The following C4orf36 variants were observed in gnomAD, a reference collection of about 807,000 sequenced individuals.
C4orf36 encodes the protein chromosome 4 open reading frame 36.
Under a neutral mutation model 12.2 loss-of-function variants are expected in C4orf36, and 11 were observed. The observed-to-expected ratio is 0.90, with a 90% CI of 0.57 to 1.49. The LOEUF (loss-of-function observed/expected upper bound fraction) is 1.49, where lower values mean the gene tolerates loss of function less well. Among genes scored for constraint, C4orf36 ranks in the 40% most tolerant of loss-of-function variants. The pLI is 0.00. For synonymous variants in C4orf36, 54 were observed against 51.3 expected, an observed-to-expected ratio of 1.05 and a Z score of -0.22; for missense variants, 137 against 133.9, an observed-to-expected ratio of 1.02 and a Z score of -0.11.
At chr4:86,920,994 C>T in the C4orf36 span, among the ~76,000 whole-genome samples, 3 of 151,636 alleles carry the variant, frequency 2.0e-5, no homozygotes, top group African/African-American at 4.8e-5. Flanking sequence ...GGAGATACCC[C>T]GTCTCTACTA....
At chr4:86,919,315 CTTTTTTTTTTTTTT>C in the C4orf36 span, among the ~76,000 whole-genome samples, 2 of 81,356 alleles carry the variant, frequency 2.5e-5, no homozygotes, top group Admixed American at 3.7e-4. Flanking sequence ...TTTTTTCCCC[CTTTTTTTTTTTTTT>C]TTTTTTTTTT....
chr4:86,892,524 G>T, upstream of C4orf36: 1 of 943,980 alleles, frequency 1.1e-6, no homozygotes, highest in Non-Finnish European at 1.3e-6. Flanking sequence ...GCCCCGCGGG[G>T]TCCGCTCTCT....
chr4:86,884,839 T>G (rs1275755698), intron 4 of C4orf36, among the ~76,000 whole-genome samples: 3 of 152,238 alleles, frequency 2.0e-5, no homozygotes, highest in African/African-American at 7.2e-5. Flanking sequence ...TTTTTAGGTC[T>G]AACATTTAAG....
chr4:86,913,909 A>C, the C4orf36 span: 8 of 1,246,402 alleles, frequency 6.4e-6, no homozygotes, highest in Non-Finnish European at 9.2e-6. Flanking sequence ...GCTCACTACG[A>C]ACTCTCCCGG....
chr4:86,918,153 T>C, the C4orf36 span, among the ~76,000 whole-genome samples: 2 of 152,242 alleles, frequency 1.3e-5, no homozygotes, highest in Non-Finnish European at 2.9e-5. Flanking sequence ...ATGAGGGCTA[T>C]GCCCTCCTGA....
At chr4:86,921,881 C>T in the C4orf36 span, among the ~76,000 whole-genome samples, 1 of 152,196 alleles carries the variant, frequency 6.6e-6, no homozygotes, top group Non-Finnish European at 1.5e-5. Context: ...GTTCTACTTT[C>T]TGTCTGTATG....
chr4:86,877,166 A>C (rs1746945630), intron 4 of C4orf36, among the ~76,000 whole-genome samples: 1 of 152,242 alleles, frequency 6.6e-6, no homozygotes, highest in Non-Finnish European at 1.5e-5. Flanking sequence ...TAATTTTTAA[A>C]GAAAATTGAA....
chr4:86,911,869 G>GGT, the C4orf36 span, among the ~76,000 whole-genome samples: 1 of 151,246 alleles, frequency 6.6e-6, no homozygotes, highest in South Asian at 2.1e-4. Flanking sequence ...AAAAAAAAAT[G>GGT]TTTTTTTGAG....
chr4:86,927,366 T>A, the C4orf36 span, among the ~76,000 whole-genome samples: 1 of 152,100 alleles, frequency 6.6e-6, no homozygotes, highest in African/African-American at 2.4e-5. Context: ...TTTGTTTTTA[T>A]TACAGGTAGA....
At chr4:86,927,041 T>C in the C4orf36 span, among the ~76,000 whole-genome samples, 1 of 152,248 alleles carries the variant, frequency 6.6e-6, no homozygotes, top group South Asian at 2.1e-4. Flanking sequence ...ACAGAGACCA[T>C]GTGGCCCATA....
intron 2 of C4orf36, 152 bp from the exon 3 acceptor site, chr4:86,888,427 GT>G: frequency 1.5e-6 from 1 of 653,618 alleles, no homozygotes. Flanking sequence ...CAGAGTTGTA[GT>G]TCCAGACAGG....
At chr4:86,934,966 G>C in the C4orf36 span, 2 of 151,942 alleles carry the variant, frequency 1.3e-5, no homozygotes, top group Non-Finnish European at 2.9e-5. Context: ...CGCGCGGAGG[G>C]CGTGGCCTCG....
chr4:86,891,482 G>A lies in C4orf36; in HGVS notation c.39C>T (p.Thr13=), dbSNP rs758438158. Residue 13 remains threonine (T), a synonymous_variant, in exon 2 of 5, where the codon ACC becomes ACT. Coordinates refer to ENST00000295898, the MANE Select transcript of C4orf36 (RefSeq NM_144645.4). ...YGVPRKNTVK[T]ILRGSCYNVQ... ...CATTATAACAACTGCCCCGCAAAAT[G>A]GTTTTCACTGTGTTCTTTCTTGGCA... is the stretch of plus-strand genomic sequence containing the variant. 2.3e-5 allele frequency: 37 copies of A among 1,613,706 alleles called. No homozygotes were observed. The highest frequency in any genetic ancestry group is 1.6e-4 in the Middle Eastern group (1 of 6,084).
In C4orf36 at chr4:86,887,743, C is replaced by G; in HGVS notation, c.*2+15G>C. ...GGATGCAAGACACAGAGTACAGATT[C>G]AATCATGAACTGACTGTCATTTAGA... On this transcript the variant is annotated intron_variant, in intron 4 of 4. Coordinates refer to ENST00000295898, the MANE Select transcript of C4orf36 (RefSeq NM_144645.4). 1 of 1,614,074 alleles carries G rather than the reference C, an allele frequency of 6.2e-7. No individual in the cohort carries two copies. The highest frequency in any genetic ancestry group is 8.5e-7 in the Non-Finnish European group (1 of 1,179,970).
the C4orf36 span, among the ~76,000 whole-genome samples, chr4:86,904,831 C>T: frequency 6.6e-6 from 1 of 152,070 alleles, no homozygotes. Context: ...AGCAACATGC[C>T]ACACGTAGCT....
chr4:86,914,666 G>T, the C4orf36 span: 1 of 342,694 alleles, frequency 2.9e-6, no homozygotes. Flanking sequence ...CTCTCAAAGT[G>T]CTGGAATTAT....
intron 4 of C4orf36, among the ~76,000 whole-genome samples, chr4:86,885,856 A>G (rs904546634): frequency 2.0e-5 from 3 of 152,176 alleles, no homozygotes; most frequent in African/African-American, 7.2e-5. Flanking sequence ...AGCTCTTATT[A>G]TTTTGAGATA....
the C4orf36 span, among the ~76,000 whole-genome samples, chr4:86,904,121 C>A: frequency 6.6e-6 from 1 of 152,246 alleles, no homozygotes; most frequent in South Asian, 2.1e-4. Flanking sequence ...CGGGACTTTG[C>A]GTCACCCAGC....
the C4orf36 span, among the ~76,000 whole-genome samples, chr4:86,918,376 C>G: frequency 0.15 from 22,901 of 152,186 alleles, 2,075 homozygotes; most frequent in East Asian, 0.28. Flanking sequence ...ACAGCCAGAA[C>G]AAGAGTCCAG....
Sources: gnomAD v4.1 joint callset for allele counts (sites outside exome capture counted in the v4.1 genomes callset) on GRCh38, gnomAD v4.1.1 for gene constraint, MANE v1.5 for transcripts, NCBI Gene and HGNC (gene_info 2026-07-23, HGNC 2026-07-21) for gene names.